GNAI1: variants seen among roughly 807,000 people sequenced by gnomAD.
The protein encoded by GNAI1 is G protein subunit alpha i1, also known as guanine nucleotide-binding protein G(i) subunit alpha-1.
GNAI1 carries 11 observed loss-of-function variants against 38.9 expected under a neutral mutation model. The observed-to-expected ratio is 0.28, with a 90% CI of 0.18 to 0.47. The LOEUF (loss-of-function observed/expected upper bound fraction) is 0.47, where lower values mean the gene tolerates loss of function less well. Among genes scored for constraint, GNAI1 ranks in the 20% least tolerant of loss-of-function variants. The probability of loss-of-function intolerance (pLI) is 0.99; values close to 1 mark genes in which losing one functional copy is unlikely to be tolerated. For missense variants in GNAI1, 317 were observed against 436.9 expected, an observed-to-expected ratio of 0.73 and a Z score of 2.45; for synonymous variants, 166 against 145.1, an observed-to-expected ratio of 1.14 and a Z score of -1.04.
chr7:80,179,711 A>C (rs1033812803), intron 1 of GNAI1, among the ~76,000 whole-genome samples: 6 of 152,144 alleles, frequency 3.9e-5, no homozygotes, highest in Admixed American at 2.6e-4. Flanking sequence ...TTAGAGACAA[A>C]AAGTTACTTT....
intron 1 of GNAI1, among the ~76,000 whole-genome samples, chr7:80,154,969 G>A (rs1011212293): frequency 6.6e-6 from 1 of 151,978 alleles, no homozygotes; most frequent in African/African-American, 2.4e-5. Flanking sequence ...TCTTTAGTGA[G>A]ATATATTACT....
intron 3 of GNAI1, among the ~76,000 whole-genome samples, chr7:80,189,947 T>A (rs1788452313): frequency 6.6e-6 from 1 of 151,892 alleles, no homozygotes; most frequent in African/African-American, 2.4e-5. Flanking sequence ...GTTTTCTTTT[T>A]TTTTCTCTTA....
At chr7:80,163,883 T>G (rs932827192) in intron 1 of GNAI1, among the ~76,000 whole-genome samples, 1 of 151,982 alleles carries the variant, frequency 6.6e-6, no homozygotes. Context: ...GGTCCATGCC[T>G]TTTTTCTTGT....
chr7:80,140,461 A>G (rs925777810), intron 1 of GNAI1, among the ~76,000 whole-genome samples: 1 of 152,198 alleles, frequency 6.6e-6, no homozygotes, highest in Admixed American at 6.5e-5. Flanking sequence ...ACACATGTCT[A>G]ACTGCCTTGG....
At chr7:80,158,964 G>A (rs1461083627) in intron 1 of GNAI1, among the ~76,000 whole-genome samples, 1 of 152,100 alleles carries the variant, frequency 6.6e-6, no homozygotes, top group Non-Finnish European at 1.5e-5. Flanking sequence ...AGCTGTTGAC[G>A]TTAGAGGTGG....
chr7:80,189,235 A>T lies in GNAI1; in HGVS notation c.303+4A>T. 1 of 1,611,082 alleles carries T rather than the reference A, an allele frequency of 6.2e-7. No individual in the cohort carries two copies. The highest frequency in any genetic ancestry group is 8.5e-7 in the Non-Finnish European group (1 of 1,178,844). On this transcript the variant is annotated splice_donor_region_variant and intron_variant, in intron 3 of 7. Coordinates refer to ENST00000649796, the MANE Select transcript of GNAI1 (RefSeq NM_002069.6). ...CTTTGGTGACTCAGCCCGGGCGGTA[A>T]GTTATTAAATTTGTTGGAGCTGACC...
chr7:80,168,327 T>C (rs1788045728), intron 1 of GNAI1, among the ~76,000 whole-genome samples: 1 of 152,194 alleles, frequency 6.6e-6, no homozygotes, highest in Admixed American at 6.5e-5. Context: ...CTAGAACATC[T>C]GATTCACTTA....
At chr7:80,150,836 A>G (rs960228489) in intron 1 of GNAI1, among the ~76,000 whole-genome samples, 1 of 152,062 alleles carries the variant, frequency 6.6e-6, no homozygotes, top group African/African-American at 2.4e-5. Context: ...ATTGCATTGC[A>G]TTGTCCATCC....
chr7:80,197,660 G>A (rs1788602800), intron 3 of GNAI1, among the ~76,000 whole-genome samples: 1 of 152,038 alleles, frequency 6.6e-6, no homozygotes, highest in African/African-American at 2.4e-5. Context: ...TGGAAACCAT[G>A]TTATGTGAGG....
intron 7 of GNAI1, among the ~76,000 whole-genome samples, chr7:80,215,720 A>G (rs182524204): frequency 1.3e-5 from 2 of 152,250 alleles, no homozygotes; most frequent in Admixed American, 1.3e-4. Flanking sequence ...TCTATAAAGC[A>G]ATATAACAAA....
chr7:80,157,836 A>G (rs1322865046), intron 1 of GNAI1, among the ~76,000 whole-genome samples: 17 of 152,088 alleles, frequency 1.1e-4, no homozygotes, highest in Admixed American at 8.5e-4. Context: ...GCTCCCAGGT[A>G]GCTGGGATTA....
chr7:80,200,089 G>A (rs947074303), intron 4 of GNAI1, among the ~76,000 whole-genome samples: 1 of 151,742 alleles, frequency 6.6e-6, no homozygotes, highest in Admixed American at 6.6e-5. Flanking sequence ...GCTAAGGTGG[G>A]CAGATCACTT....
chr7:80,200,348 C>T (rs201832395), intron 4 of GNAI1, among the ~76,000 whole-genome samples: 2 of 57,284 alleles, frequency 3.5e-5, no homozygotes, highest in East Asian at 6.2e-4. Context: ...AAAAAAAAAA[C>T]CTAATCAGGG....
At chr7:80,198,551 CTA>C (rs1295739795) in intron 3 of GNAI1, among the ~76,000 whole-genome samples, 2 of 152,070 alleles carry the variant, frequency 1.3e-5, no homozygotes, top group Non-Finnish European at 2.9e-5. Flanking sequence ...ATACTGTCCT[CTA>C]TGTATATCAT....
intron 1 of GNAI1, among the ~76,000 whole-genome samples, chr7:80,175,956 G>A (rs559485895): frequency 6.6e-6 from 1 of 152,298 alleles, no homozygotes; most frequent in East Asian, 1.9e-4. Flanking sequence ...CTCAGTTTAA[G>A]TCAAAAGCTA....
intron 1 of GNAI1, among the ~76,000 whole-genome samples, chr7:80,175,573 C>G (rs966704878): frequency 7.7e-6 from 1 of 129,612 alleles, no homozygotes; most frequent in Non-Finnish European, 1.6e-5. Context: ...TTTTTTTTAA[C>G]AAATTGAAGG....
At chr7:80,179,674 A>G (rs1263352535) in intron 1 of GNAI1, among the ~76,000 whole-genome samples, 1 of 152,200 alleles carries the variant, frequency 6.6e-6, no homozygotes, top group East Asian at 1.9e-4. Context: ...TTTCATAAAT[A>G]CTGTGAAAAG....
chr7:80,175,684 T>C (rs1788172427), intron 1 of GNAI1, among the ~76,000 whole-genome samples: 1 of 152,168 alleles, frequency 6.6e-6, no homozygotes, highest in African/African-American at 2.4e-5. Context: ...TCTTACAATA[T>C]TTCAGATGTG....
chr7:80,152,245 C>T (rs1787740732), intron 1 of GNAI1, among the ~76,000 whole-genome samples: 2 of 152,248 alleles, frequency 1.3e-5, no homozygotes, highest in Non-Finnish European at 1.5e-5. Context: ...TATGTTATTT[C>T]ATGTGTGCAT....
Sources: gnomAD v4.1 joint callset for allele counts (sites outside exome capture counted in the v4.1 genomes callset) on GRCh38, gnomAD v4.1.1 for gene constraint, MANE v1.5 for transcripts, NCBI Gene and HGNC (gene_info 2026-07-23, HGNC 2026-07-21) for gene names.